The following MSI2 variants were observed in gnomAD, a reference collection of about 807,000 sequenced individuals.
MSI2 encodes the protein RNA-binding protein Musashi homolog 2.
Under a neutral mutation model 45.6 loss-of-function variants are expected in MSI2, and 17 were observed. The ratio of observed to expected loss-of-function variants is 0.37; its 90% CI spans 0.26 to 0.56. The LOEUF (loss-of-function observed/expected upper bound fraction) is 0.56. MSI2 is among the 20% of genes least tolerant of loss of function. The pLI is 0.77. For missense variants in MSI2, 293 were observed against 444.2 expected, an observed-to-expected ratio of 0.66 and a Z score of 3.06; for synonymous variants, 156 against 158.2, an observed-to-expected ratio of 0.99 and a Z score of 0.11.
the MSI2 span, among the ~76,000 whole-genome samples, chr17:57,697,278 C>G: frequency 2.6e-5 from 4 of 151,856 alleles, no homozygotes; most frequent in African/African-American, 9.7e-5. Context: ...GACTCACACC[C>G]CTCACACACT....
rs894509638 is a variant in MSI2 at position 57,544,851 on chromosome 17, A to C, written c.454+15127A>C. 3.3e-5 allele frequency among the ~76,000 whole-genome samples: 5 copies of C among 152,212 alleles called. 1 individual carries two copies. In the South Asian group the frequency reaches 1.0e-3, roughly 32 times the overall value. On this transcript the variant is annotated intron_variant, in intron 7 of 13. Coordinates refer to ENST00000284073, the MANE Select transcript of MSI2 (RefSeq NM_138962.4). ...ACCCTCCCCCTTTCAAAGGATGCTT[A>C]AACTCACTTTGTTTTCCTGTCCTTG...
At position 57,632,498 on chromosome 17, in the gene MSI2, A is replaced by ACGGTGGG. The variant is rs1316352020; in HGVS notation, c.727+5196_727+5197insGGTGGGC. 10 of 1,066,298 alleles carry ACGGTGGG rather than the reference A, an allele frequency of 9.4e-6. No homozygotes were observed. The African/African-American group carries it at 1.6e-4, about 17-fold the overall frequency. 66.1% of individuals were successfully genotyped at this position (1,066,298 alleles called of 1,614,324 possible). On this transcript the variant is annotated intron_variant, in intron 10 of 13. Transcript: ENST00000284073. ...TGACAGGCACGGTGGGCACCGATCC[A>ACGGTGGG]CAGTGGGCCCCGCCTTCCCCAGCTC...
intron 7 of MSI2, among the ~76,000 whole-genome samples, chr17:57,575,239 C>T (rs2088004063): frequency 7.0e-6 from 1 of 143,480 alleles, no homozygotes; most frequent in African/African-American, 2.6e-5. Context: ...GAAGCTTATT[C>T]CTGGAGAGAA....
Position 57,596,126 on chromosome 17 carries a change from G to C in MSI2, c.455-742G>C, listed in dbSNP as rs905977816. On this transcript the variant is annotated intron_variant, in intron 7 of 13. Coordinates refer to ENST00000284073, the MANE Select transcript of MSI2 (RefSeq NM_138962.4). The surrounding 1 kb of genome is among the most constrained non-coding windows in gnomAD (Gnocchi z 4.6). The stretch of plus-strand genomic sequence containing the variant: ...GCTGGAAACGCTGTCGGAGGCGGGA[G>C]GAGAAGAAAGAAAGGGGCAGGAGGG... Among the ~76,000 whole-genome samples the C allele has an allele frequency of 6.6e-6, 1 of 152,200 alleles. No homozygotes were observed. Among genetic ancestry groups the C allele is most frequent in the Non-Finnish European group, 1.5e-5 (1 of 68,038 alleles).
At chr17:57,619,571 C>G (rs531179940) in intron 9 of MSI2, among the ~76,000 whole-genome samples, 1 of 152,312 alleles carries the variant, frequency 6.6e-6, no homozygotes, top group African/African-American at 2.4e-5. Context: ...TACTGTGGGA[C>G]CTTGAGAGCC....
chr17:57,401,516 C>T, intron 6 of MSI2, 45 bp downstream of exon 6: 1 of 1,513,934 alleles, frequency 6.6e-7, no homozygotes, highest in Admixed American at 1.7e-5. Flanking sequence ...GAAGTAGCCT[C>T]ATCAGTCCTA....
intron 6 of MSI2, chr17:57,448,714 A>G (rs547737720): frequency 6.6e-6 from 1 of 152,108 alleles, no homozygotes; most frequent in South Asian, 2.1e-4. Context: ...TGGTTATTGG[A>G]CTTTTGTTGT....
chr17:57,673,455 C>G (rs1912973585), intron 11 of MSI2, among the ~76,000 whole-genome samples: 1 of 152,126 alleles, frequency 6.6e-6, no homozygotes, highest in Non-Finnish European at 1.5e-5. Flanking sequence ...CCTCTGGAGC[C>G]AAAGATGTGA....
chr17:57,281,114 A>G (rs1045920517), intron 5 of MSI2, among the ~76,000 whole-genome samples: 1 of 151,776 alleles, frequency 6.6e-6, no homozygotes, highest in Non-Finnish European at 1.5e-5. Context: ...ATATCATACC[A>G]GGTGTGTGAG....
At chr17:57,385,028 T>G (rs957280949) in intron 5 of MSI2, among the ~76,000 whole-genome samples, 1 of 152,188 alleles carries the variant, frequency 6.6e-6, no homozygotes, top group Non-Finnish European at 1.5e-5. Flanking sequence ...TGTCTCCTAC[T>G]CTCTCTTAAA....
chr17:57,351,644 T>C (rs1916039661), intron 5 of MSI2, among the ~76,000 whole-genome samples: 1 of 152,072 alleles, frequency 6.6e-6, no homozygotes, highest in Non-Finnish European at 1.5e-5. Context: ...TCATCTGAGG[T>C]CAGGAGTTTG....
chr17:57,463,369 A>G (rs2085267847), intron 6 of MSI2, among the ~76,000 whole-genome samples: 1 of 152,116 alleles, frequency 6.6e-6, no homozygotes, highest in Non-Finnish European at 1.5e-5. Context: ...AGCATGAGTA[A>G]AACCTAGAGA....
intron 6 of MSI2, among the ~76,000 whole-genome samples, chr17:57,500,487 G>A (rs930535821): frequency 1.3e-5 from 2 of 151,520 alleles, no homozygotes; most frequent in Admixed American, 6.6e-5. Flanking sequence ...GAGGAGGAGC[G>A]AGCTCTGGAG....
At chr17:57,367,380 C>T (rs1195186951) in intron 5 of MSI2, among the ~76,000 whole-genome samples, 1 of 152,186 alleles carries the variant, frequency 6.6e-6, no homozygotes, top group Non-Finnish European at 1.5e-5. Context: ...CTCCCATCTG[C>T]TTCCCTTCTG....
chr17:57,305,127 G>A (rs1464138663), intron 5 of MSI2, among the ~76,000 whole-genome samples: 1 of 152,160 alleles, frequency 6.6e-6, no homozygotes, highest in Admixed American at 6.5e-5. Flanking sequence ...GTGATAGGTG[G>A]CCCCAGCCTT....
At chr17:57,614,387 C>T (rs1344967070) in intron 8 of MSI2, among the ~76,000 whole-genome samples, 2 of 152,170 alleles carry the variant, frequency 1.3e-5, no homozygotes, top group Non-Finnish European at 2.9e-5. Context: ...ATATTGCACA[C>T]AGTTTAACTT....
At chr17:57,431,504 C>A (rs147113559) in intron 6 of MSI2, among the ~76,000 whole-genome samples, 59 of 152,308 alleles carry the variant, frequency 3.9e-4, no homozygotes, top group African/African-American at 1.3e-3. Context: ...TGTGTTGTAG[C>A]ATGGTCGGTG....
intron 11 of MSI2, among the ~76,000 whole-genome samples, chr17:57,663,044 A>C (rs1238599513): frequency 6.6e-6 from 1 of 152,196 alleles, no homozygotes; most frequent in Non-Finnish European, 1.5e-5. Context: ...TGTAGGGATG[A>C]GTCAACATTT....
At chr17:57,524,518 A>G (rs902458299) in intron 6 of MSI2, among the ~76,000 whole-genome samples, 2 of 152,246 alleles carry the variant, frequency 1.3e-5, no homozygotes, top group African/African-American at 4.8e-5. Context: ...TAATCTAGAC[A>G]TGAGTTTATC....
Sources: gnomAD v4.1 joint callset for allele counts (sites outside exome capture counted in the v4.1 genomes callset) on GRCh38, gnomAD v4.1.1 for gene constraint, Gnocchi (gnomAD v3.1) non-coding constraint, MANE v1.5 for transcripts, NCBI Gene and HGNC (gene_info 2026-07-23, HGNC 2026-07-21) for gene names.